Variants in ATP9A observed in about 807,000 individuals in gnomAD.
ATP9A encodes the protein ATPase phospholipid transporting 9A.
A neutral mutation model predicts 144.1 loss-of-function variants in ATP9A; 52 were observed. The ratio of observed to expected loss-of-function variants is 0.36; its 90% confidence interval spans 0.29 to 0.45. ATP9A has a LOEUF of 0.45. Ranked by LOEUF, ATP9A falls within the 20% of genes least tolerant of loss-of-function variation. The pLI is 1.00. For missense variants in ATP9A, 947 were observed against 1,392.7 expected (o/e 0.68, Z 5.09); for synonymous variants, 582 against 557.4 (o/e 1.04, Z -0.62).
At chr20:51,654,918 C>T (rs2077381069) in intron 14 of ATP9A, among the ~76,000 whole-genome samples, 1 of 152,168 alleles carries the variant, frequency 6.6e-6, no homozygotes, top group Non-Finnish European at 1.5e-5. Context: ...CTGTGTCACA[C>T]AAGCCTCCTC....
rs11477336 is a variant in ATP9A at position 51,658,888 on chromosome 20, C to CGGGGGGG, written c.1294-1745_1294-1739dup. Among the ~76,000 whole-genome samples, 4 of 54,846 alleles carry CGGGGGGG rather than the reference C, an allele frequency of 7.3e-5. 1 individual carries two copies. Among genetic ancestry groups the CGGGGGGG allele is most frequent in the African/African-American group, 2.5e-4 (3 of 11,926 alleles). The allele number at this position is 54,846 out of a possible 152,430, so 36.0% of individuals were successfully genotyped here. On this transcript the variant is annotated intron_variant, in intron 13 of 27. Transcript: ENST00000338821. ...ATATAATGAAAATTAAGACCACTGG[C>CGGGGGGG]GGGGGGGGGGGGGGGAAGGCTCATT...
chr20:51,605,157 G>A (rs1007189637), intron 26 of ATP9A, 137 bp from the exon 27 acceptor site: 7 of 677,890 alleles, frequency 1.0e-5, no homozygotes, highest in Non-Finnish European at 1.6e-5. Context: ...AATGACTGGT[G>A]CTTTATGCAG....
At chr20:51,753,670 T>C (rs956239439) in intron 1 of ATP9A, among the ~76,000 whole-genome samples, 14 of 150,586 alleles carry the variant, frequency 9.3e-5, no homozygotes, top group East Asian at 5.8e-4. Flanking sequence ...TTCTTTCTTT[T>C]TTTTTTTTTT....
intron 15 of ATP9A, 117 bp from the exon 16 acceptor site, chr20:51,629,189 T>C (rs535046762): frequency 1.4e-6 from 1 of 709,110 alleles, no homozygotes; most frequent in Admixed American, 2.7e-5. Flanking sequence ...CCAATGTTTT[T>C]TCAGTTGGCT....
At chr20:51,662,780 A>C (rs896226979) in intron 13 of ATP9A, among the ~76,000 whole-genome samples, 1 of 151,712 alleles carries the variant, frequency 6.6e-6, no homozygotes, top group African/African-American at 2.4e-5. Context: ...AGATTTTTTA[A>C]AATATACACG....
intron 14 of ATP9A, among the ~76,000 whole-genome samples, chr20:51,650,908 C>CACAA (rs1292382470): frequency 6.6e-6 from 1 of 151,584 alleles, no homozygotes. Flanking sequence ...CACATACACA[C>CACAA]ACACACACAC....
rs957196998 is a variant in ATP9A, at chr20:51,726,822, T to C, written c.214-890A>G. Among the ~76,000 whole-genome samples, 3 of 146,046 alleles carry C rather than the reference T, an allele frequency of 2.1e-5. No homozygotes were observed. The East Asian group carries it at 6.6e-4, about 32-fold the overall frequency. Reference sequence around the variant, plus strand: ...TTGAACTCCTGGGCTCAAGCGATCCTCCCACTTCAGCCTCCCAAAGTGTTG... The same window carrying C: ...TTGAACTCCTGGGCTCAAGCGATCCCCCCACTTCAGCCTCCCAAAGTGTTG... On this transcript the variant is annotated intron_variant, in intron 2 of 27. Coordinates refer to ENST00000338821, the MANE Select transcript of ATP9A (RefSeq NM_006045.3).
At chr20:51,714,984 T>C (rs924261469) in intron 3 of ATP9A, among the ~76,000 whole-genome samples, 1 of 152,158 alleles carries the variant, frequency 6.6e-6, no homozygotes, top group South Asian at 2.1e-4. Flanking sequence ...GCCAAAATCA[T>C]TCATTTATTT....
Position 51,674,311 on chromosome 20 carries a change from G to C in ATP9A, c.879C>G (p.Ile293Met), listed in dbSNP as rs117698151. 1 of 1,612,836 alleles carries C rather than the reference G, an allele frequency of 6.2e-7. No individual in the cohort carries two copies. The highest frequency in any genetic ancestry group is 8.5e-7 in the Non-Finnish European group (1 of 1,179,838). Residue 293 changes from isoleucine to methionine, a missense_variant and splice_region_variant, in exon 11 of 28, where the codon ATC (isoleucine) becomes ATG (methionine). This residue lies in a region of ATP9A where 770 missense variants were observed against 1,047.9 expected (regional missense o/e 0.73). Coordinates refer to ENST00000338821, the MANE Select transcript of ATP9A (RefSeq NM_006045.3). ...VMNTSNPRSK[I>M]GLFDLEVNCL... is the part of the protein sequence containing the mutation. ...AGTTCACTTCCAAGTCGAACAGGCC[G>C]ATCTGTGGGACGAAGCACAAACCAG... is the stretch of plus-strand genomic sequence containing the variant.
chr20:51,698,759 G>C (rs1251919433), intron 4 of ATP9A, among the ~76,000 whole-genome samples: 1 of 152,200 alleles, frequency 6.6e-6, no homozygotes, highest in East Asian at 1.9e-4. Flanking sequence ...ATGTGAGAAA[G>C]TGGGACAGGT....
At chr20:51,704,478 T>C (rs1249455756) in intron 4 of ATP9A, among the ~76,000 whole-genome samples, 1 of 152,106 alleles carries the variant, frequency 6.6e-6, no homozygotes, top group Non-Finnish European at 1.5e-5. Context: ...ACTTTGTGGA[T>C]CTTAAATAAC....
Position 51,667,819 on chromosome 20 carries a change from T to C in ATP9A, c.1293+2178A>G, listed in dbSNP as rs1277470835. On this transcript the variant is annotated intron_variant, in intron 13 of 27. Coordinates refer to ENST00000338821, the MANE Select transcript of ATP9A (RefSeq NM_006045.3). ...GTAATCCCAACACTTTGGGAAGCCT[T>C]TGGGAGGTGAGGCGATCACTTGAGC... 3.3e-5 allele frequency among the ~76,000 whole-genome samples: 5 copies of C among 151,422 alleles called. 1 individual carries two copies. Among genetic ancestry groups the C allele is most frequent in the African/African-American group, 1.2e-4 (5 of 41,202 alleles).
At chr20:51,646,855 G>A (rs972227659) in intron 14 of ATP9A, among the ~76,000 whole-genome samples, 6 of 152,072 alleles carry the variant, frequency 3.9e-5, no homozygotes, top group Non-Finnish European at 7.4e-5. Context: ...AGTGGCTCAC[G>A]CCTGTAATCC....
chr20:51,613,498 C>G (rs1479941165), intron 23 of ATP9A, among the ~76,000 whole-genome samples, 179 bp downstream of exon 23: 1 of 152,160 alleles, frequency 6.6e-6, no homozygotes, highest in Non-Finnish European at 1.5e-5. Context: ...TGGAATGCAG[C>G]CAGGTGGGGG....
At chr20:51,639,538 C>A in intron 14 of ATP9A, 34 bp from the exon 15 acceptor site, 1 of 1,575,362 alleles carries the variant, frequency 6.3e-7, no homozygotes, top group Non-Finnish European at 8.6e-7. Context: ...GTCAGATGCC[C>A]AGCCGAGAAT....
chr20:51,629,730 C>A (rs2077263213), intron 15 of ATP9A, among the ~76,000 whole-genome samples: 1 of 152,222 alleles, frequency 6.6e-6, no homozygotes, highest in African/African-American at 2.4e-5. Flanking sequence ...TTCACCCTAA[C>A]CAGATTTTCT....
At chr20:51,706,547 G>A (rs553422436) in intron 4 of ATP9A, among the ~76,000 whole-genome samples, 1 of 152,238 alleles carries the variant, frequency 6.6e-6, no homozygotes, top group African/African-American at 2.4e-5. Flanking sequence ...GATTGCTTGA[G>A]CCCAGGAGTT....
intron 4 of ATP9A, among the ~76,000 whole-genome samples, chr20:51,699,785 G>C (rs1196152458): frequency 6.6e-6 from 1 of 151,984 alleles, no homozygotes; most frequent in African/African-American, 2.4e-5. Context: ...TGGGACTACA[G>C]GCACCCACCA....
chr20:51,669,936 T>G, intron 13 of ATP9A, 61 bp downstream of exon 13: 2 of 1,076,374 alleles, frequency 1.9e-6, no homozygotes, highest in Middle Eastern at 2.0e-4. Flanking sequence ...TACATCTCAA[T>G]ATAGCTGTTA....
Sources: gnomAD v4.1 joint callset for allele counts (sites outside exome capture counted in the v4.1 genomes callset) on GRCh38, gnomAD v4.1.1 for gene constraint, gnomAD v4.1.1 regional missense constraint, MANE v1.5 for transcripts, NCBI Gene and HGNC (gene_info 2026-07-23, HGNC 2026-07-21) for gene names.